KIF15: variants seen among roughly 807,000 people sequenced by gnomAD.
KIF15 encodes the protein kinesin family member 15, also known as kinesin-like protein KIF15.
KIF15 carries 140 observed loss-of-function variants against 190.6 expected under a neutral mutation model. The ratio of observed to expected loss-of-function variants is 0.73; its 90% confidence interval spans 0.64 to 0.84. KIF15 has a LOEUF of 0.84. Among genes scored for constraint, KIF15 ranks in the 40% least tolerant of loss-of-function variants. KIF15 has a pLI of 0.00. For synonymous variants in KIF15, 528 were observed against 551.3 expected (o/e 0.96, Z 0.59); for missense variants, 1,372 against 1,584.4 (o/e 0.87, Z 2.28).
chr3:44,825,169 G>T (rs1305721575), intron 20 of KIF15, among the ~76,000 whole-genome samples: 3 of 152,202 alleles, frequency 2.0e-5, no homozygotes, highest in Admixed American at 1.3e-4. Context: ...TTCAATGGTT[G>T]TTAAGTCCTG....
intron 6 of KIF15, chr3:44,861,934 A>C: frequency 7.0e-7 from 1 of 1,433,776 alleles, no homozygotes; most frequent in South Asian, 1.4e-5. Context: ...CATGGCCGAG[A>C]GGCCGGGGCC....
At chr3:44,774,273 C>G (rs1389752092) in intron 1 of KIF15, 122 bp from the exon 2 acceptor site, 2 of 763,412 alleles carry the variant, frequency 2.6e-6, no homozygotes, top group African/African-American at 1.7e-5. Flanking sequence ...TGGAGCACAG[C>G]ATTGTTAAAG....
intron 6 of KIF15, chr3:44,864,216 T>A: frequency 6.2e-7 from 1 of 1,614,098 alleles, no homozygotes; most frequent in Non-Finnish European, 8.5e-7. Flanking sequence ...GGTTTATGCG[T>A]CTTAGGCATT....
At chr3:44,814,880 C>G (rs1374678048) in intron 19 of KIF15, 31 bp from the exon 20 acceptor site, 1 of 1,540,978 alleles carries the variant, frequency 6.5e-7, no homozygotes. Context: ...TTTAAGAAAC[C>G]TACTGAGGAT....
At chr3:44,822,979 T>C (rs915569896) in intron 20 of KIF15, among the ~76,000 whole-genome samples, 2 of 152,210 alleles carry the variant, frequency 1.3e-5, no homozygotes, top group Admixed American at 1.3e-4. Flanking sequence ...CGAAGTTTGT[T>C]ATTACCGACC....
At chr3:44,845,196 A>G (rs1242315269) in intron 30 of KIF15, among the ~76,000 whole-genome samples, 1 of 152,218 alleles carries the variant, frequency 6.6e-6, no homozygotes, top group East Asian at 1.9e-4. Flanking sequence ...TGTTGAAGAA[A>G]GAAATGGTTA....
intron 7 of KIF15, among the ~76,000 whole-genome samples, chr3:44,790,898 G>C (rs1405545668): frequency 1.3e-5 from 2 of 151,918 alleles, no homozygotes; most frequent in Non-Finnish European, 2.9e-5. Context: ...GGCCAGGATG[G>C]TCTCTATCTC....
At chr3:44,864,539 A>G (rs1339872640) in intron 6 of KIF15, among the ~76,000 whole-genome samples, 1 of 152,118 alleles carries the variant, frequency 6.6e-6, no homozygotes, top group Non-Finnish European at 1.5e-5. Context: ...CTTAAGTTAG[A>G]TATGAGTGAA....
intron 1 of KIF15, among the ~76,000 whole-genome samples, chr3:44,768,091 T>C (rs1428536102): frequency 6.6e-6 from 1 of 151,096 alleles, no homozygotes; most frequent in Non-Finnish European, 1.5e-5. Context: ...CTGGCCAACA[T>C]GGTGAAACAC....
At chr3:44,821,238 G>A (rs34514647) in intron 20 of KIF15, among the ~76,000 whole-genome samples, 3 of 149,834 alleles carry the variant, frequency 2.0e-5, no homozygotes, top group South Asian at 2.1e-4. Context: ...CGGACGGGGC[G>A]GCTGGCCGGG....
chr3:44,778,537 C>T (rs1706004355), intron 4 of KIF15, among the ~76,000 whole-genome samples: 1 of 152,156 alleles, frequency 6.6e-6, no homozygotes, highest in African/African-American at 2.4e-5. Flanking sequence ...CCTCTGACAG[C>T]AGCTAAAAAA....
Position 44,797,636 on chromosome 3 carries a change from A to G in KIF15, c.935A>G (p.His312Arg). The G allele has an allele frequency of 2.5e-6, 4 of 1,614,188 alleles. No homozygotes were observed. The highest frequency in any genetic ancestry group is 1.1e-5 in the South Asian group (1 of 91,078). Residue 312 changes from histidine (H) to arginine (R), a missense_variant, in exon 9 of 35, where the codon CAT becomes CGT. Transcript: ENST00000326047. ...LVDVGNGKQR[H>R]VCYRDSKLTF... ...GACGTGGGTAATGGAAAACAGAGAC[A>G]TGTTTGCTACAGAGACTCCAAACTT...
At chr3:44,821,608 C>T (rs1365598652) in intron 20 of KIF15, among the ~76,000 whole-genome samples, 97 of 151,676 alleles carry the variant, frequency 6.4e-4, no homozygotes, top group African/African-American at 2.1e-3. Flanking sequence ...GATGGGATGG[C>T]GGCTGGGAAG....
intron 7 of KIF15, among the ~76,000 whole-genome samples, chr3:44,788,825 A>C (rs1294044374): frequency 6.6e-6 from 1 of 152,202 alleles, no homozygotes; most frequent in Non-Finnish European, 1.5e-5. Flanking sequence ...TATTCTTAGA[A>C]TACATAGTAG....
chr3:44,854,950 C>T (rs1174795205), downstream of KIF15, among the ~76,000 whole-genome samples: 1 of 152,096 alleles, frequency 6.6e-6, no homozygotes, highest in Non-Finnish European at 1.5e-5. Context: ...ATCACAGGTA[C>T]CAGGGGTTAA....
At chr3:44,801,227 C>A (rs1707262337) in intron 11 of KIF15, among the ~76,000 whole-genome samples, 1 of 150,992 alleles carries the variant, frequency 6.6e-6, no homozygotes, top group East Asian at 2.0e-4. Context: ...GGGGTCTCAC[C>A]ATGTTGGCCA....
At chr3:44,771,332 T>A (rs191807748) in intron 1 of KIF15, among the ~76,000 whole-genome samples, 8 of 152,314 alleles carry the variant, frequency 5.3e-5, no homozygotes, top group Non-Finnish European at 1.2e-4. Flanking sequence ...CAGATTCCAT[T>A]TTTATGGCCA....
At chr3:44,846,771 C>CAAAAA (rs765234089) in intron 30 of KIF15, among the ~76,000 whole-genome samples, 1 of 67,802 alleles carries the variant, frequency 1.5e-5, no homozygotes, top group African/African-American at 5.5e-5. Context: ...GACTCTGTCT[C>CAAAAA]AAAAAAAAAA....
chr3:44,845,343 A>G (rs1260032737), intron 30 of KIF15, among the ~76,000 whole-genome samples: 1 of 152,132 alleles, frequency 6.6e-6, no homozygotes, highest in Non-Finnish European at 1.5e-5. Flanking sequence ...AGGCAGCTGT[A>G]TTGGTGGATA....
Sources: gnomAD v4.1 joint callset for allele counts (sites outside exome capture counted in the v4.1 genomes callset) on GRCh38, gnomAD v4.1.1 for gene constraint, MANE v1.5 for transcripts, NCBI Gene and HGNC (gene_info 2026-07-23, HGNC 2026-07-21) for gene names.